Variants in CAMSAP2 observed in about 807,000 individuals in gnomAD.
The protein encoded by CAMSAP2 is calmodulin regulated spectrin associated protein family member 2, also known as calmodulin-regulated spectrin-associated protein 2.
CAMSAP2 carries 26 observed loss-of-function variants against 146.1 expected under a neutral mutation model. The ratio of observed to expected loss-of-function variants is 0.18; its 90% CI spans 0.13 to 0.25. The LOEUF is 0.25. CAMSAP2 is among the 10% of genes least tolerant of loss of function. The pLI, the probability that CAMSAP2 is intolerant of heterozygous loss-of-function variation, is 1.00. For synonymous variants in CAMSAP2, 499 were observed against 596.6 expected (o/e 0.84, Z 2.38); for missense variants, 1,381 against 1,759.3 (o/e 0.78, Z 3.85).
rs1198074366 is a variant in CAMSAP2, at chr1:200,848,627, C to T, written c.1858C>T (p.Pro620Ser). The T allele has an allele frequency of 6.2e-7, 1 of 1,614,074 alleles. No homozygotes were observed. Among genetic ancestry groups the T allele is most frequent in the Admixed American group, 1.7e-5 (1 of 60,010 alleles). ...AATTCACGTTCCTTCAGAAGATATT[C>T]CTGAAACTATGGACGAAGATTCTTC... Reference protein sequence around the residue: ...TGIHVPSEDIPETMDEDSSLR... With the variant: ...TGIHVPSEDISETMDEDSSLR... The change falls in exon 11 of 17, where the codon CCT (proline) becomes TCT (serine). Residue 620 changes from proline to serine, a missense_variant. Pro to Ser is a moderately conservative substitution (Grantham distance 74). Transcript: ENST00000358823.
chr1:200,772,200 T>C (rs1374887258), intron 2 of CAMSAP2, among the ~76,000 whole-genome samples: 1 of 152,176 alleles, frequency 6.6e-6, no homozygotes, highest in Non-Finnish European at 1.5e-5. Context: ...ACAAAAGTAC[T>C]TATCCTTGTA....
At chr1:200,847,436 G>A in intron 9 of CAMSAP2, 144 bp downstream of exon 9, 1 of 735,388 alleles carries the variant, frequency 1.4e-6, no homozygotes, top group Non-Finnish European at 2.2e-6. Flanking sequence ...TTTGTTTTCT[G>A]AAAAATGGCT....
Position 200,857,263 on chromosome 1 carries a change from T to C in CAMSAP2, c.4013-43T>C. Reference sequence around the variant, plus strand: ...TTTTAAAATAGTAGTATTTCTGACTTAGGAATGTTATTTTTATTATTGTTG... The same window carrying C: ...TTTTAAAATAGTAGTATTTCTGACTCAGGAATGTTATTTTTATTATTGTTG... On this transcript the variant is annotated intron_variant, in intron 15 of 16. Coordinates refer to ENST00000358823, the MANE Select transcript of CAMSAP2 (RefSeq NM_203459.4). The surrounding 1 kb of genome is among the most constrained non-coding windows in gnomAD (Gnocchi z 4.7). The C allele has an allele frequency of 8.1e-7, 1 of 1,240,314 alleles. No individual in the cohort carries two copies. The highest frequency in any genetic ancestry group is 2.3e-5 in the East Asian group (1 of 43,072). 76.8% of individuals were successfully genotyped at this position (1,240,314 alleles called of 1,614,324 possible).
intron 4 of CAMSAP2, chr1:200,828,627 A>C: frequency 6.5e-7 from 1 of 1,547,422 alleles, no homozygotes; most frequent in South Asian, 1.2e-5. Context: ...CAGCTACTTC[A>C]GTTTGCTCTC....
chr1:200,856,938 A>G (rs1341534821), intron 15 of CAMSAP2, among the ~76,000 whole-genome samples: 1 of 152,216 alleles, frequency 6.6e-6, no homozygotes, highest in African/African-American at 2.4e-5. Flanking sequence ...AATCTGAAAA[A>G]GAAAGCTTTT....
In CAMSAP2 at chr1:200,842,090, A is replaced by G; in HGVS notation, c.1021+3A>G. ...TCGTGTTGTTCGTCCACAAGGAGGT[A>G]ATCAATCTTTTTAATTTTAAATGTT... On this transcript the variant is annotated splice_donor_region_variant and intron_variant, in intron 7 of 16. Coordinates refer to ENST00000358823, the MANE Select transcript of CAMSAP2 (RefSeq NM_203459.4). The G allele has an allele frequency of 6.2e-7, 1 of 1,608,144 alleles. No individual in the cohort carries two copies. The highest frequency in any genetic ancestry group is 1.1e-5 in the South Asian group (1 of 90,872).
chr1:200,840,191 T>C (rs988571354), intron 6 of CAMSAP2, among the ~76,000 whole-genome samples: 1 of 152,198 alleles, frequency 6.6e-6, no homozygotes, highest in Non-Finnish European at 1.5e-5. Context: ...TTCCTTTCAT[T>C]ACCTGTTTCT....
intron 4 of CAMSAP2, among the ~76,000 whole-genome samples, chr1:200,830,348 C>T (rs1489744357): frequency 1.3e-5 from 2 of 152,174 alleles, no homozygotes; most frequent in Admixed American, 6.6e-5. Context: ...TGCCTGTTTG[C>T]ACATACCTTG....
At chr1:200,789,516 T>A (rs892118986) in intron 2 of CAMSAP2, among the ~76,000 whole-genome samples, 1 of 152,242 alleles carries the variant, frequency 6.6e-6, no homozygotes, top group African/African-American at 2.4e-5. Context: ...TCTGTTCCGG[T>A]GATCTATTTG....
At chr1:200,830,953 G>C (rs16847251) in intron 4 of CAMSAP2, among the ~76,000 whole-genome samples, 15,440 of 152,200 alleles carry the variant, frequency 0.1, 872 homozygotes, top group East Asian at 0.17. Flanking sequence ...TTTTCTGAGA[G>C]ATAGCATTGA....
At chr1:200,801,813 TAAGTG>T (rs1666043325) in intron 2 of CAMSAP2, among the ~76,000 whole-genome samples, 1 of 152,226 alleles carries the variant, frequency 6.6e-6, no homozygotes, top group Non-Finnish European at 1.5e-5. Context: ...GATGAACTCT[TAAGTG>T]TAGGTGGTAT....
chr1:200,837,602 C>T (rs1667217099), intron 6 of CAMSAP2, among the ~76,000 whole-genome samples: 1 of 151,960 alleles, frequency 6.6e-6, no homozygotes, highest in Non-Finnish European at 1.5e-5. Flanking sequence ...TTTTTTAGTT[C>T]TATGAAGAAT....
chr1:200,824,529 CAG>C (rs1436357276), intron 4 of CAMSAP2, among the ~76,000 whole-genome samples: 1 of 152,168 alleles, frequency 6.6e-6, no homozygotes, highest in Non-Finnish European at 1.5e-5. Flanking sequence ...TCAAACTCCA[CAG>C]AGTTCTTCCT....
chr1:200,763,389 A>G (rs1374804772), intron 2 of CAMSAP2, among the ~76,000 whole-genome samples: 2 of 152,072 alleles, frequency 1.3e-5, no homozygotes, highest in African/African-American at 2.4e-5. Context: ...AAATACAAAA[A>G]TTAGCCAGAT....
chr1:200,852,763 G>T, intron 12 of CAMSAP2, 86 bp downstream of exon 12: 1 of 1,361,144 alleles, frequency 7.3e-7, no homozygotes, highest in Non-Finnish European at 9.9e-7. Flanking sequence ...TACTCAAAGA[G>T]GTGGTCTCTC....
At chr1:200,833,657 T>A (rs750626850) in intron 6 of CAMSAP2, among the ~76,000 whole-genome samples, 5 of 152,208 alleles carry the variant, frequency 3.3e-5, no homozygotes, top group Non-Finnish European at 7.3e-5. Context: ...CAAATAGCAA[T>A]GCTTACAAAT....
At chr1:200,774,867 C>T (rs1665228811) in intron 2 of CAMSAP2, among the ~76,000 whole-genome samples, 1 of 152,140 alleles carries the variant, frequency 6.6e-6, no homozygotes, top group African/African-American at 2.4e-5. Context: ...TGTAGAGTCA[C>T]ATTTATTTAC....
At chr1:200,792,992 T>G (rs376923409) in intron 2 of CAMSAP2, among the ~76,000 whole-genome samples, 27 of 152,268 alleles carry the variant, frequency 1.8e-4, no homozygotes, top group African/African-American at 6.5e-4. Flanking sequence ...AAATAAAAAG[T>G]TTAATAAAAA....
intron 2 of CAMSAP2, among the ~76,000 whole-genome samples, chr1:200,794,644 C>T (rs921964568): frequency 2.6e-5 from 4 of 152,210 alleles, no homozygotes; most frequent in African/African-American, 9.6e-5. Flanking sequence ...GTACGCATTC[C>T]CAGCACAATG....
Sources: allele counts gnomAD v4.1 joint callset (sites outside exome capture counted in the v4.1 genomes callset), GRCh38; gene constraint gnomAD v4.1.1; non-coding constraint Gnocchi (gnomAD v3.1); transcripts MANE v1.5; gene names NCBI Gene and HGNC (gene_info 2026-07-23, HGNC 2026-07-21).